The following PRKN variants were observed in gnomAD, a reference collection of about 807,000 sequenced individuals.
PRKN encodes the protein E3 ubiquitin-protein ligase parkin.
PRKN carries 56 observed loss-of-function variants against 59.5 expected under a neutral mutation model. That is an observed-to-expected ratio of 0.94 (90% CI 0.76 to 1.18). PRKN has a LOEUF of 1.18. Among genes scored for constraint, PRKN ranks in the 50% most tolerant of loss-of-function variants. The pLI is 0.00. For missense variants in PRKN, 657 were observed against 596.4 expected (o/e 1.10, Z -1.06); for synonymous variants, 250 against 222.1 (o/e 1.13, Z -1.12).
At chr6:161,646,856 GT>G (rs1310310857) in intron 7 of PRKN, among the ~76,000 whole-genome samples, 1 of 152,116 alleles carries the variant, frequency 6.6e-6, no homozygotes, top group African/African-American at 2.4e-5. Flanking sequence ...TGTACTGATG[GT>G]TCCATTGCTG....
rs768573289 is a variant in PRKN, at chr6:161,458,679, T to C, written c.1084-71802A>G. Among the ~76,000 whole-genome samples the C allele has an allele frequency of 6.6e-6, 1 of 152,248 alleles. No individual in the cohort carries two copies. The highest frequency in any genetic ancestry group is 2.4e-5 in the African/African-American group (1 of 41,470). On this transcript the variant is annotated intron_variant, in intron 9 of 11. Transcript: ENST00000366898. The surrounding 1 kb of genome is among the most constrained non-coding windows in gnomAD (Gnocchi z 6.1). ...TTTAAAATATATGTTTGTTTTCTTC[T>C]ACAGAGCAATGGGCACTAAATTTAT...
chr6:162,009,286 C>T (rs1316698917), intron 5 of PRKN, among the ~76,000 whole-genome samples: 1 of 151,672 alleles, frequency 6.6e-6, no homozygotes, highest in Non-Finnish European at 1.5e-5. Context: ...TGAGATACTA[C>T]ATTGTCTAGA....
chr6:162,286,968 T>C (rs1394251542), intron 2 of PRKN, among the ~76,000 whole-genome samples: 1 of 152,226 alleles, frequency 6.6e-6, no homozygotes, highest in Non-Finnish European at 1.5e-5. Context: ...TGAGTACAGA[T>C]ATCTACTTTA....
In PRKN at chr6:161,385,533, G is replaced by A. The variant is rs1786202422; in HGVS notation, c.1167+1261C>T. On this transcript the variant is annotated intron_variant, in intron 10 of 11. Coordinates refer to ENST00000366898, the MANE Select transcript of PRKN (RefSeq NM_004562.3). The surrounding 1 kb of genome is among the most constrained non-coding windows in gnomAD (Gnocchi z 4.9). ...AGGGTCAGGCGCCTGGATGGCTTTA[G>A]GTTAAGCAATGCTCTTCTTTCCCTT... 6.6e-6 allele frequency among the ~76,000 whole-genome samples: 1 copy of A among 152,178 alleles called. No individual in the cohort carries two copies. The highest frequency in any genetic ancestry group is 1.5e-5 in the Non-Finnish European group (1 of 68,038).
intron 9 of PRKN, among the ~76,000 whole-genome samples, chr6:161,524,326 G>A (rs1778942754): frequency 6.6e-6 from 1 of 152,122 alleles, no homozygotes; most frequent in Non-Finnish European, 1.5e-5. Flanking sequence ...TCTATAGGAA[G>A]ATATTTCAGA....
At chr6:162,143,020 C>T (rs576550441) in intron 4 of PRKN, among the ~76,000 whole-genome samples, 8 of 152,264 alleles carry the variant, frequency 5.3e-5, no homozygotes, top group South Asian at 2.1e-4. Flanking sequence ...AGTGTTGGCA[C>T]GTAATACATG....
chr6:161,718,111 T>C (rs758116025), intron 7 of PRKN, among the ~76,000 whole-genome samples: 3 of 152,204 alleles, frequency 2.0e-5, no homozygotes, highest in Non-Finnish European at 4.4e-5. Context: ...GGAAGATACA[T>C]TTTTCAAGAT....
In PRKN at chr6:162,212,431, C is replaced by T. The variant is rs778311658; in HGVS notation, c.413-11179G>A. 1.8e-4 allele frequency among the ~76,000 whole-genome samples: 27 copies of T among 150,324 alleles called. 1 individual carries two copies. The highest frequency in any genetic ancestry group is 6.9e-3 in the Middle Eastern group (2 of 288). ...AGAAATTGGTGAGATTAAGAAAGCT[C>T]GCTTAAACTCAACATTTTAAAAACA... On this transcript the variant is annotated intron_variant, in intron 3 of 11. Coordinates refer to ENST00000366898, the MANE Select transcript of PRKN (RefSeq NM_004562.3).
In PRKN at chr6:161,413,943, C is replaced by A. The variant is rs563312120; in HGVS notation, c.1084-27066G>T. Among the ~76,000 whole-genome samples, 55 of 152,086 alleles carry A rather than the reference C, an allele frequency of 3.6e-4. No individual in the cohort carries two copies. The South Asian group carries it at 0.011, about 32-fold the overall frequency. ...GAAGAGGAGACTGTGGAAAGGGAAG[C>A]GAGGCAGAGGTGGCAGAAAGAGATG... On this transcript the variant is annotated intron_variant, in intron 9 of 11. Transcript: ENST00000366898. This position sits in a 1 kb window ranked among gnomAD's most constrained non-coding sequence, Gnocchi z 4.4.
chr6:161,541,680 G>A (rs1026369111), intron 9 of PRKN, among the ~76,000 whole-genome samples: 2 of 152,110 alleles, frequency 1.3e-5, no homozygotes, highest in Non-Finnish European at 2.9e-5. Flanking sequence ...AATTAGCTGG[G>A]CGTAGTGGCA....
At chr6:162,667,764 G>C (rs34773528) in intron 1 of PRKN, among the ~76,000 whole-genome samples, 12,923 of 152,142 alleles carry the variant, frequency 0.085, 691 homozygotes, top group Middle Eastern at 0.18. Context: ...TCACCACTTA[G>C]AGCTGAGTAA....
chr6:162,220,456 A>G (rs1368384234), intron 3 of PRKN, among the ~76,000 whole-genome samples: 1 of 152,188 alleles, frequency 6.6e-6, no homozygotes, highest in African/African-American at 2.4e-5. Flanking sequence ...TTCATGGGGG[A>G]AAAATTTTCA....
intron 6 of PRKN, among the ~76,000 whole-genome samples, chr6:161,801,472 T>G (rs1791075693): frequency 6.6e-6 from 1 of 152,172 alleles, no homozygotes; most frequent in African/African-American, 2.4e-5. Flanking sequence ...CCCAAGGAAA[T>G]GCTGAGATTA....
chr6:161,549,026 TG>T lies in PRKN; in HGVS notation c.934-24del. 1 of 1,614,092 alleles carries T rather than the reference TG, an allele frequency of 6.2e-7. No individual in the cohort carries two copies. Among genetic ancestry groups the T allele is most frequent in the Non-Finnish European group, 8.5e-7 (1 of 1,179,978 alleles). ...GTACTGCAAAACCCAAAAAGCAGAT[TG>T]AGCTTTCAAACTGACTGCAAATTTC... On this transcript the variant is annotated intron_variant, in intron 8 of 11. Transcript: ENST00000366898. This position sits in a 1 kb window ranked among gnomAD's most constrained non-coding sequence, Gnocchi z 6.0.
intron 1 of PRKN, among the ~76,000 whole-genome samples, chr6:162,591,809 GTAA>G (rs1195334871): frequency 4.0e-5 from 6 of 149,574 alleles, no homozygotes; most frequent in Middle Eastern, 3.6e-3. Flanking sequence ...ATAATCCTTT[GTAA>G]TAATAATAAT....
chr6:162,098,518 C>T (rs1227707904), intron 4 of PRKN, among the ~76,000 whole-genome samples: 1 of 152,130 alleles, frequency 6.6e-6, no homozygotes, highest in African/African-American at 2.4e-5. Flanking sequence ...CTTAGGACTC[C>T]CAGAAACCCC....
At chr6:162,636,215 G>A (rs188141378) in intron 1 of PRKN, among the ~76,000 whole-genome samples, 80 of 151,094 alleles carry the variant, frequency 5.3e-4, no homozygotes, top group African/African-American at 1.8e-3. Context: ...TCTTATTATT[G>A]GACAATACAT....
chr6:162,288,669 T>A (rs752034790), intron 2 of PRKN, among the ~76,000 whole-genome samples: 3 of 152,096 alleles, frequency 2.0e-5, no homozygotes, highest in African/African-American at 7.2e-5. Flanking sequence ...AACCCCTTAT[T>A]GTAGCCTCAT....
intron 6 of PRKN, among the ~76,000 whole-genome samples, chr6:161,804,396 C>A (rs3019424): frequency 0.87 from 132,743 of 152,128 alleles, 59,487 homozygotes; most frequent in East Asian, 0.97. Flanking sequence ...GCAGCTCCAC[C>A]AACGTGCCTC....
Sources: allele counts gnomAD v4.1 joint callset (sites outside exome capture counted in the v4.1 genomes callset), GRCh38; gene constraint gnomAD v4.1.1; non-coding constraint Gnocchi (gnomAD v3.1); transcripts MANE v1.5; gene names NCBI Gene and HGNC (gene_info 2026-07-23, HGNC 2026-07-21).